The following ADAP1 variants were observed in gnomAD, a reference collection of about 807,000 sequenced individuals.
ADAP1 encodes the protein arf-GAP with dual PH domain-containing protein 1.
In ADAP1, 31 loss-of-function variants were observed where a neutral mutation model predicts 54.9. That is an observed-to-expected ratio of 0.56 (90% CI 0.42 to 0.76). The LOEUF (loss-of-function observed/expected upper bound fraction) is 0.76. Ranked by LOEUF, ADAP1 falls within the 30% of genes least tolerant of loss-of-function variation. ADAP1 has a pLI of 0.00. For synonymous variants in ADAP1, 313 were observed against 202.6 expected (o/e 1.55, Z -4.63); for missense variants, 535 against 512.4 (o/e 1.04, Z -0.42).
chr7:906,715 AT>A (rs1562915389), intron 4 of ADAP1, among the ~76,000 whole-genome samples: 940 of 22,312 alleles, frequency 0.042, 50 homozygotes, highest in East Asian at 0.2. Context: ...GGGACGGGAC[AT>A]CGGGGACGGG....
At chr7:927,590 G>T (rs1846432702) in intron 2 of ADAP1, 2 of 428,032 alleles carry the variant, frequency 4.7e-6, no homozygotes, top group East Asian at 7.5e-5. Context: ...GGGCCCAGAA[G>T]AGCAGCTGGA....
At chr7:933,176 C>T (rs1583175874) in intron 2 of ADAP1, among the ~76,000 whole-genome samples, 1 of 150,212 alleles carries the variant, frequency 6.7e-6, no homozygotes, top group East Asian at 2.1e-4. Context: ...GAGGCTGAGG[C>T]AGGAGAATTG....
chr7:904,884 T>A (rs1440332921), intron 5 of ADAP1, among the ~76,000 whole-genome samples, 176 bp downstream of exon 5: 2 of 152,170 alleles, frequency 1.3e-5, no homozygotes, highest in Non-Finnish European at 2.9e-5. Context: ...TGGGGGACGC[T>A]GGGTCCGGCA....
intron 1 of ADAP1, among the ~76,000 whole-genome samples, chr7:949,116 C>T (rs577421738): frequency 4.5e-4 from 69 of 152,368 alleles, no homozygotes; most frequent in Non-Finnish European, 8.7e-4. Context: ...TGGTCTGGTC[C>T]GGTCTCCCTG....
Position 898,757 on chromosome 7 carries a change from G to A in ADAP1, c.*164C>T. ...GGGCTGCCTGCCTTGAGGTTCCAGA[G>A]AAGCATCCTGGAAGCTGAAGCTCGG... On this transcript the variant is annotated 3_prime_UTR_variant, in exon 11 of 11. Coordinates refer to ENST00000265846, the MANE Select transcript of ADAP1 (RefSeq NM_006869.4). 6.9e-6 allele frequency: 6 copies of A among 875,808 alleles called. No homozygotes were observed. In the East Asian group the frequency reaches 1.3e-4, roughly 19 times the overall value. The allele number at this position is 875,808 out of a possible 1,614,324, so 54.3% of individuals were successfully genotyped here.
At position 905,120 on chromosome 7, in the gene ADAP1, CA is replaced by C; in HGVS notation, c.440del (p.Leu147Ter). ...WKRGRDNGQF[L>X]SRKFVLTERE... ...GTTCTGTCAGCACAAACTTCCGGCT[CA>C]AAAACTGCCCGTTGTCCCGGCCACG... is the stretch of plus-strand genomic sequence containing the variant. On this transcript the variant is annotated frameshift_variant, in exon 5 of 11. Transcript: ENST00000265846. LOFTEE classifies it high-confidence loss of function. 6.2e-7 allele frequency: 1 copy of C among 1,612,470 alleles called. No individual in the cohort carries two copies.
intron 2 of ADAP1, among the ~76,000 whole-genome samples, chr7:930,274 T>C (rs536845416): frequency 6.6e-6 from 1 of 150,684 alleles, no homozygotes; most frequent in African/African-American, 2.5e-5. Context: ...GAAAAAAATG[T>C]TTTTGGTATC....
Position 903,202 on chromosome 7 carries a change from C to T in ADAP1, c.648+924G>A, listed in dbSNP as rs370445777. Among the ~76,000 whole-genome samples the T allele has an allele frequency of 7.5e-4, 114 of 152,270 alleles. No homozygotes were observed. The South Asian group carries it at 8.1e-3, about 11-fold the overall frequency. Reference sequence around the variant, plus strand: ...ACACAGCCGCTTACTGTGGGAAGAGCGATCACAGCGTGCTCTGAGGCCAGG... The same window carrying T: ...ACACAGCCGCTTACTGTGGGAAGAGTGATCACAGCGTGCTCTGAGGCCAGG... On this transcript the variant is annotated intron_variant, in intron 6 of 10. Transcript: ENST00000265846.
Position 945,929 on chromosome 7 carries a change from C to T in ADAP1, c.82+8467G>A. ...GGCAGGGGGAAGGGCAGTAGCCAAG[C>T]CTGTCCATGGGGCCCTGGTTCCAGA... On this transcript the variant is annotated intron_variant, in intron 1 of 10. Coordinates refer to ENST00000265846, the MANE Select transcript of ADAP1 (RefSeq NM_006869.4). The surrounding 1 kb of genome is among the most constrained non-coding windows in gnomAD (Gnocchi z 4.2). 1 of 592,396 alleles carries T rather than the reference C, an allele frequency of 1.7e-6. No homozygotes were observed. The highest frequency in any genetic ancestry group is 2.1e-6 in the Non-Finnish European group (1 of 470,880). 36.7% of individuals were successfully genotyped at this position (592,396 alleles called of 1,614,324 possible).
intron 1 of ADAP1, among the ~76,000 whole-genome samples, chr7:949,134 G>T (rs1024335663): frequency 1.3e-5 from 2 of 152,278 alleles, no homozygotes; most frequent in Non-Finnish European, 2.9e-5. Context: ...CTGAGCCCCA[G>T]TGACTGCACA....
chr7:905,793 GA>G (rs1282924405), intron 4 of ADAP1, among the ~76,000 whole-genome samples: 3 of 48,090 alleles, frequency 6.2e-5, no homozygotes, highest in African/African-American at 1.5e-4. Flanking sequence ...GGAGAAAGGA[GA>G]AAGGAGAAAG....
intron 1 of ADAP1, among the ~76,000 whole-genome samples, chr7:950,719 T>C (rs1847246198): frequency 6.6e-6 from 1 of 150,786 alleles, no homozygotes; most frequent in African/African-American, 2.4e-5. Context: ...TAGCCGGGCG[T>C]GGTGGCAGGC....
chr7:912,567 G>A lies in ADAP1; in HGVS notation c.389-7395C>T, dbSNP rs530393652. ...AGCGACGCACCTTCCGCTACGCACC[G>A]ACACCAAGGGCTTCTCCCCCGGTCC... On this transcript the variant is annotated intron_variant, in intron 4 of 10. Coordinates refer to ENST00000265846, the MANE Select transcript of ADAP1 (RefSeq NM_006869.4). 3.7e-4 allele frequency among the ~76,000 whole-genome samples: 57 copies of A among 152,332 alleles called. 1 individual carries two copies. The South Asian group carries it at 8.5e-3, about 23-fold the overall frequency.
At chr7:921,860 T>G (rs1230265348) in intron 3 of ADAP1, among the ~76,000 whole-genome samples, 1 of 152,122 alleles carries the variant, frequency 6.6e-6, no homozygotes, top group Non-Finnish European at 1.5e-5. Flanking sequence ...GGGACGGCTT[T>G]GACAACCACG....
chr7:954,169 G>T (rs1012642789), intron 1 of ADAP1, among the ~76,000 whole-genome samples: 4 of 150,678 alleles, frequency 2.7e-5, no homozygotes, highest in African/African-American at 9.7e-5. Flanking sequence ...CGGGGGTCCT[G>T]GGGGGGGCCC....
At chr7:917,837 C>T (rs1845998409) in intron 4 of ADAP1, among the ~76,000 whole-genome samples, 1 of 152,172 alleles carries the variant, frequency 6.6e-6, no homozygotes, top group Admixed American at 6.5e-5. Flanking sequence ...GTGGTGCAAC[C>T]TTGGCTCACT....
chr7:939,775 G>A (rs1229934141), intron 1 of ADAP1, among the ~76,000 whole-genome samples: 1 of 151,592 alleles, frequency 6.6e-6, no homozygotes, highest in Non-Finnish European at 1.5e-5. Flanking sequence ...AGATTGCAGT[G>A]AGCCGAGATC....
chr7:939,269 G>T (rs1471433430), intron 1 of ADAP1, among the ~76,000 whole-genome samples: 1 of 150,964 alleles, frequency 6.6e-6, no homozygotes, highest in African/African-American at 2.5e-5. Flanking sequence ...GTCCAGGCTG[G>T]AGTGCAATGG....
chr7:948,237 C>T (rs943785918), intron 1 of ADAP1, among the ~76,000 whole-genome samples: 7 of 152,098 alleles, frequency 4.6e-5, no homozygotes, highest in African/African-American at 7.2e-5. Context: ...CCCCCTTGCC[C>T]GGGTGGGATC....
Sources: allele counts gnomAD v4.1 joint callset (sites outside exome capture counted in the v4.1 genomes callset), GRCh38; gene constraint gnomAD v4.1.1; non-coding constraint Gnocchi (gnomAD v3.1); transcripts MANE v1.5; gene names NCBI Gene and HGNC (gene_info 2026-07-23, HGNC 2026-07-21).